Variants in DSG4 observed in about 807,000 individuals in gnomAD.
DSG4 encodes the protein desmoglein-4.
DSG4 carries 87 observed loss-of-function variants against 93.1 expected under a neutral mutation model. That is an observed-to-expected ratio of 0.93 (90% confidence interval 0.79 to 1.12). DSG4 has a LOEUF of 1.12. Ranked by LOEUF, DSG4 falls within the 50% of genes most tolerant of loss-of-function variation. The probability of loss-of-function intolerance (pLI) is 0.00; values close to 1 mark genes in which losing one functional copy is unlikely to be tolerated. For synonymous variants in DSG4, 432 were observed against 452.9 expected, an observed-to-expected ratio of 0.95 and a Z score of 0.59; for missense variants, 1,373 against 1,285.7, an observed-to-expected ratio of 1.07 and a Z score of -1.04.
intron 14 of DSG4, among the ~76,000 whole-genome samples, chr18:31,410,385 T>C (rs1470939151): frequency 4.0e-5 from 6 of 151,486 alleles, no homozygotes; most frequent in Non-Finnish European, 7.4e-5. Flanking sequence ...TTTTATTATA[T>C]ATAACATACA....
In DSG4 at chr18:31,389,014, T is replaced by C. The variant is rs1221128908; in HGVS notation, c.513T>C (p.Asp171=). The C allele has an allele frequency of 6.2e-7, 1 of 1,613,034 alleles. No homozygotes were observed. The highest frequency in any genetic ancestry group is 2.2e-5 in the East Asian group (1 of 44,830). ...CAGCCAGCATTGAAGAAAATAGTGA[T>C]GCCAGTAAGTAGAATGACATTCCTT... ...VYTASIEENS[D]ANTLVVKLCA... Residue 171 remains aspartate (D), a synonymous_variant, in exon 5 of 16, where the codon GAT becomes GAC. Coordinates refer to ENST00000308128, the MANE Select transcript of DSG4 (RefSeq NM_177986.5).
In DSG4 at chr18:31,388,420, A is replaced by G. The variant is rs1439468408; in HGVS notation, c.270A>G (p.Val90=). ...NQKITYRISG[V]GIDRPPYGVF... Reference sequence around the variant, plus strand: ...AGATAACATACCGGATTTCTGGAGTAGGGATTGATCGACCACCATATGGGG... The same window carrying G: ...AGATAACATACCGGATTTCTGGAGTGGGGATTGATCGACCACCATATGGGG... Residue 90 remains valine (V), a synonymous_variant, in exon 4 of 16, where the codon GTA becomes GTG. Transcript: ENST00000308128. 6.2e-7 allele frequency: 1 copy of G among 1,613,598 alleles called. No homozygotes were observed. Among genetic ancestry groups the G allele is most frequent in the East Asian group, 2.2e-5 (1 of 44,856 alleles).
chr18:31,413,515 CA>C lies in DSG4; in HGVS notation c.3046del (p.Thr1016ProfsTer8), dbSNP rs745661813. 1.2e-6 allele frequency: 2 copies of C among 1,613,940 alleles called. No individual in the cohort carries two copies. On this transcript the variant is annotated frameshift_variant, in exon 16 of 16. Coordinates refer to ENST00000308128, the MANE Select transcript of DSG4 (RefSeq NM_177986.5). LOFTEE classifies it high-confidence loss of function. Reference protein sequence around the residue: ...QMMSPDLPIGQTVGSTSPMTS... With the variant: ...QMMSPDLPIGXTVGSTSPMTS... Reference sequence around the variant, plus strand: ...GATGAGTCCAGACCTTCCCATAGGCCAAACCGTTGGCTCCACATCCCCCATG... The same window carrying C: ...GATGAGTCCAGACCTTCCCATAGGCCAACCGTTGGCTCCACATCCCCCATG...
At chr18:31,410,355 T>C (rs1179213978) in intron 14 of DSG4, among the ~76,000 whole-genome samples, 3 of 151,418 alleles carry the variant, frequency 2.0e-5, no homozygotes, top group Non-Finnish European at 4.4e-5. Context: ...ATATAATACA[T>C]ACATATATTG....
At chr18:31,411,174 G>A (rs1323497124) in intron 14 of DSG4, 57 bp from the exon 15 acceptor site, 1 of 1,614,232 alleles carries the variant, frequency 6.2e-7, no homozygotes, top group East Asian at 2.2e-5. Flanking sequence ...AGCGTTTTAG[G>A]CAGATGCGCG....
At chr18:31,400,026 T>C (rs1453153429) in intron 9 of DSG4, among the ~76,000 whole-genome samples, 1 of 152,056 alleles carries the variant, frequency 6.6e-6, no homozygotes, top group African/African-American at 2.4e-5. Context: ...TTGATAGGCA[T>C]AGGGAGAGTC....
At chr18:31,394,132 T>C (rs992786751) in intron 8 of DSG4, among the ~76,000 whole-genome samples, 1 of 152,226 alleles carries the variant, frequency 6.6e-6, no homozygotes, top group African/African-American at 2.4e-5. Flanking sequence ...TGTGGCTGTT[T>C]CCACACTCAA....
intron 9 of DSG4, among the ~76,000 whole-genome samples, chr18:31,400,495 C>T (rs1472734300): frequency 1.3e-5 from 2 of 151,846 alleles, no homozygotes; most frequent in South Asian, 2.1e-4. Context: ...CTGAAATCAA[C>T]ATAGCTGAAA....
chr18:31,386,955 G>A, intron 3 of DSG4, 136 bp downstream of exon 3: 1 of 1,422,482 alleles, frequency 7.0e-7, no homozygotes, highest in East Asian at 2.5e-5. Context: ...CAGTTGCTGA[G>A]CCACTGATTT....
At chr18:31,406,609 C>T (rs973536951) in intron 12 of DSG4, among the ~76,000 whole-genome samples, 2 of 152,088 alleles carry the variant, frequency 1.3e-5, no homozygotes, top group Non-Finnish European at 2.9e-5. Context: ...CAAATCACTA[C>T]ATATACTACC....
In DSG4 at chr18:31,388,952, AATG is replaced by A. The variant is rs1568063275; in HGVS notation, c.454_456del (p.Asp152del). ...GCTTAGAGTCAAAGTTATGGACATA[AATG>A]ATAACGCTCCAGTCTTTTCGCAAAG... On this transcript the variant is annotated inframe_deletion, in exon 5 of 16. Transcript: ENST00000308128. 5 of 1,613,464 alleles carry A rather than the reference AATG, an allele frequency of 3.1e-6. No homozygotes were observed. In the Admixed American group the frequency reaches 8.3e-5, roughly 27 times the overall value.
At chr18:31,412,340 G>A (rs1440250351) in intron 15 of DSG4, among the ~76,000 whole-genome samples, 3 of 152,186 alleles carry the variant, frequency 2.0e-5, no homozygotes, top group Non-Finnish European at 4.4e-5. Flanking sequence ...TGGAGATAGA[G>A]AGTAGAATGA....
At chr18:31,397,777 A>G (rs1207700428) in intron 8 of DSG4, among the ~76,000 whole-genome samples, 2 of 152,146 alleles carry the variant, frequency 1.3e-5, no homozygotes. Flanking sequence ...CTGTAATCCC[A>G]GCTCTTTGAG....
intron 3 of DSG4, 89 bp downstream of exon 3, chr18:31,386,908 A>C: frequency 6.3e-7 from 1 of 1,581,400 alleles, no homozygotes; most frequent in Non-Finnish European, 8.7e-7. Flanking sequence ...TCACTGCTCC[A>C]CAGTTATTTA....
rs543208150 is a variant in DSG4, at chr18:31,397,214, A to G, written c.1006-2058A>G. ...GCAGCCAAAAGCCTGCCAGAAGCCAAATACATTTCTGGATGTGTTATCTTC... is the reference window on the plus strand; with the variant it reads ...GCAGCCAAAAGCCTGCCAGAAGCCAGATACATTTCTGGATGTGTTATCTTC... On this transcript the variant is annotated intron_variant, in intron 8 of 15. Coordinates refer to ENST00000308128, the MANE Select transcript of DSG4 (RefSeq NM_177986.5). Among the ~76,000 whole-genome samples the G allele has an allele frequency of 5.9e-5, 9 of 152,282 alleles. No individual in the cohort carries two copies. The East Asian group carries it at 7.7e-4, about 13-fold the overall frequency.
chr18:31,385,810 C>T (rs536667496), intron 2 of DSG4, among the ~76,000 whole-genome samples: 44 of 152,258 alleles, frequency 2.9e-4, no homozygotes, highest in African/African-American at 9.6e-4. Flanking sequence ...ATATATGCTT[C>T]ATTCAGTGGA....
In DSG4 at chr18:31,399,507, T is replaced by C. The variant is rs373405894; in HGVS notation, c.1241T>C (p.Ile414Thr). The change falls in exon 9 of 16, where the codon ATA becomes ACA. Residue 414 changes from isoleucine (I) to threonine (T), a missense_variant. Physicochemically the swap from Ile to Thr is moderately conservative, Grantham distance 89. Transcript: ENST00000308128. ...TATGTGCTTGGCACATATACAGCCA[T>C]AGATTTGGACACAGGAAACCCTGCA... ...LNYVLGTYTA[I>T]DLDTGNPATD... 217 of 1,613,928 alleles carry C rather than the reference T, an allele frequency of 1.3e-4. No homozygotes were observed. Among genetic ancestry groups the C allele is most frequent in the Non-Finnish European group, 1.8e-4 (210 of 1,179,934 alleles).
At chr18:31,381,961 G>A (rs780660966) in intron 1 of DSG4, among the ~76,000 whole-genome samples, 19 of 151,844 alleles carry the variant, frequency 1.3e-4, no homozygotes, top group Middle Eastern at 6.8e-3. Context: ...AAGCCACCAC[G>A]CCCAGCCAAA....
At position 31,392,122 on chromosome 18, in the gene DSG4, T is replaced by A. The variant is rs746025063; in HGVS notation, c.820-33T>A. 1.9e-6 allele frequency: 3 copies of A among 1,606,742 alleles called. No individual in the cohort carries two copies. The South Asian group carries it at 3.3e-5, about 18-fold the overall frequency. Reference sequence around the variant, plus strand: ...TAAGTACGTTTCTTCTTTTGAAAATTCATTGACTACAAAATTGATCCTTGC... The same window carrying A: ...TAAGTACGTTTCTTCTTTTGAAAATACATTGACTACAAAATTGATCCTTGC... On this transcript the variant is annotated intron_variant, in intron 7 of 15. Coordinates refer to ENST00000308128, the MANE Select transcript of DSG4 (RefSeq NM_177986.5).
Sources: allele counts gnomAD v4.1 joint callset (sites outside exome capture counted in the v4.1 genomes callset), GRCh38; gene constraint gnomAD v4.1.1; transcripts MANE v1.5; gene names NCBI Gene and HGNC (gene_info 2026-07-23, HGNC 2026-07-21).